Variants in CTNNA2 observed in about 807,000 individuals in gnomAD.
CTNNA2 encodes the protein catenin alpha-2.
Under a neutral mutation model 101.0 loss-of-function variants are expected in CTNNA2, and 42 were observed. The ratio of observed to expected loss-of-function variants is 0.42; its 90% CI spans 0.32 to 0.54. The LOEUF is 0.54. CTNNA2 is among the 20% of genes least tolerant of loss of function. The pLI, the probability that CTNNA2 is intolerant of heterozygous loss-of-function variation, is 0.14. For synonymous variants in CTNNA2, 450 were observed against 456.4 expected (o/e 0.99, Z 0.18); for missense variants, 871 against 1,223.1 (o/e 0.71, Z 4.29).
At chr2:80,099,415 C>T (rs902745478) in intron 7 of CTNNA2, among the ~76,000 whole-genome samples, 1 of 152,052 alleles carries the variant, frequency 6.6e-6, no homozygotes, top group Non-Finnish European at 1.5e-5. Flanking sequence ...GATAAACTGG[C>T]AGATATAGGA....
intron 2 of CTNNA2, among the ~76,000 whole-genome samples, chr2:79,207,417 C>T (rs766754463): frequency 1.4e-4 from 22 of 152,258 alleles, no homozygotes; most frequent in Admixed American, 2.6e-4. Flanking sequence ...CTTCTACCTT[C>T]AAGTAATGAC....
At chr2:80,641,689 C>T (rs1673504794) in intron 18 of CTNNA2, among the ~76,000 whole-genome samples, 2 of 152,102 alleles carry the variant, frequency 1.3e-5, no homozygotes, top group Admixed American at 6.6e-5. Context: ...TTGCTAATTA[C>T]TTAACTATTC....
chr2:80,586,326 G>T (rs1047445215), intron 14 of CTNNA2: 4 of 152,202 alleles, frequency 2.6e-5, no homozygotes, highest in Admixed American at 2.0e-4. Context: ...TTAACCTTGT[G>T]TTGGGACAAT....
At chr2:79,311,734 A>C (rs1031487425) in intron 2 of CTNNA2, among the ~76,000 whole-genome samples, 2 of 152,002 alleles carry the variant, frequency 1.3e-5, no homozygotes. Flanking sequence ...CCCACATTGC[A>C]GGCATCACAC....
intron 3 of CTNNA2, among the ~76,000 whole-genome samples, chr2:79,810,782 G>T (rs541421002): frequency 1.4e-4 from 21 of 151,842 alleles, no homozygotes; most frequent in South Asian, 1.0e-3. Flanking sequence ...GCAGTGTTTG[G>T]TTTTTTGTCC....
intron 7 of CTNNA2, among the ~76,000 whole-genome samples, chr2:80,114,691 C>T (rs1352942870): frequency 6.6e-6 from 1 of 152,188 alleles, no homozygotes; most frequent in East Asian, 1.9e-4. Flanking sequence ...CTCCTATCCC[C>T]ATAATCAGAC....
At chr2:80,006,707 G>T (rs759188562) in intron 7 of CTNNA2, among the ~76,000 whole-genome samples, 1 of 152,164 alleles carries the variant, frequency 6.6e-6, no homozygotes. Flanking sequence ...CTGAGGCTGG[G>T]TTAGTGTTCT....
chr2:79,764,372 C>G (rs184340288), intron 3 of CTNNA2, among the ~76,000 whole-genome samples: 1 of 152,246 alleles, frequency 6.6e-6, no homozygotes, highest in African/African-American at 2.4e-5. Context: ...CACTAATGAA[C>G]TATTATTCAA....
chr2:79,973,940 T>TTTAG (rs1690660826), intron 7 of CTNNA2, among the ~76,000 whole-genome samples: 4 of 70,100 alleles, frequency 5.7e-5, no homozygotes, highest in Admixed American at 1.7e-4. Context: ...GTTTCTTTAG[T>TTTAG]TTTGTTTGTT....
At chr2:80,213,926 A>G (rs1444181083) in intron 7 of CTNNA2, among the ~76,000 whole-genome samples, 1 of 152,166 alleles carries the variant, frequency 6.6e-6, no homozygotes, top group South Asian at 2.1e-4. Flanking sequence ...TATTTAGGAT[A>G]GTTAGCTCTT....
intron 9 of CTNNA2, among the ~76,000 whole-genome samples, chr2:80,479,366 C>T (rs927117519): frequency 3.3e-5 from 5 of 152,068 alleles, no homozygotes; most frequent in Non-Finnish European, 5.9e-5. Flanking sequence ...TGGGTAAAGA[C>T]TAGGGTGCTG....
intron 6 of CTNNA2, among the ~76,000 whole-genome samples, chr2:79,883,346 T>C (rs921099935): frequency 2.6e-5 from 4 of 152,350 alleles, no homozygotes; most frequent in Non-Finnish European, 5.9e-5. Flanking sequence ...AAATGCTTGG[T>C]GACCTATTTT....
At chr2:80,200,757 A>G (rs1017856767) in intron 7 of CTNNA2, among the ~76,000 whole-genome samples, 25 of 152,022 alleles carry the variant, frequency 1.6e-4, no homozygotes, top group South Asian at 4.1e-4. Flanking sequence ...GATGGTATAC[A>G]TCTCCTAACC....
chr2:79,197,425 G>A (rs1191671577), intron 1 of CTNNA2, among the ~76,000 whole-genome samples: 1 of 152,212 alleles, frequency 6.6e-6, no homozygotes, highest in Non-Finnish European at 1.5e-5. Flanking sequence ...TATAGAAGCT[G>A]CCAGTCATTG....
intron 1 of CTNNA2, among the ~76,000 whole-genome samples, chr2:79,574,726 G>A (rs897699389): frequency 2.0e-5 from 3 of 152,176 alleles, no homozygotes; most frequent in African/African-American, 7.2e-5. Context: ...CCCTTTAGGT[G>A]TATATCCAAA....
At chr2:80,012,423 A>T (rs192865854) in intron 7 of CTNNA2, among the ~76,000 whole-genome samples, 2 of 152,160 alleles carry the variant, frequency 1.3e-5, no homozygotes, top group Non-Finnish European at 2.9e-5. Context: ...AAAGGGGGCT[A>T]CATTTCCTAA....
chr2:79,782,294 TG>T (rs1674506612), intron 3 of CTNNA2, among the ~76,000 whole-genome samples: 1 of 152,198 alleles, frequency 6.6e-6, no homozygotes, highest in African/African-American at 2.4e-5. Context: ...TGGAGTGCAA[TG>T]GCACAGTCTT....
At chr2:80,628,600 ATTC>A (rs759667054) in intron 18 of CTNNA2, among the ~76,000 whole-genome samples, 1 of 151,864 alleles carries the variant, frequency 6.6e-6, no homozygotes, top group African/African-American at 2.4e-5. Flanking sequence ...TACAAAACCT[ATTC>A]TTTGTAGTTT....
At chr2:80,475,361 A>G (rs1183753500) in intron 9 of CTNNA2, among the ~76,000 whole-genome samples, 1 of 152,180 alleles carries the variant, frequency 6.6e-6, no homozygotes, top group Non-Finnish European at 1.5e-5. Flanking sequence ...TGTGCTAATA[A>G]CTGCTGATTT....
Sources: gnomAD v4.1 joint callset for allele counts (sites outside exome capture counted in the v4.1 genomes callset) on GRCh38, gnomAD v4.1.1 for gene constraint, MANE v1.5 for transcripts, NCBI Gene and HGNC (gene_info 2026-07-23, HGNC 2026-07-21) for gene names.